The following RGS17 variants were observed in gnomAD, a reference collection of about 807,000 sequenced individuals.
RGS17 encodes regulator of G protein signaling 17, also known as regulator of G-protein signaling 17.
A neutral mutation model predicts 25.5 loss-of-function variants in RGS17; 12 were observed. The observed-to-expected ratio is 0.47, with a 90% CI of 0.30 to 0.76. RGS17 has a LOEUF of 0.76. Among genes scored for constraint, RGS17 ranks in the 30% least tolerant of loss-of-function variants. The pLI, the probability that RGS17 is intolerant of heterozygous loss-of-function variation, is 0.07. For missense variants in RGS17, 196 were observed against 242.2 expected, an observed-to-expected ratio of 0.81 and a Z score of 1.27; for synonymous variants, 71 against 76.9, an observed-to-expected ratio of 0.92 and a Z score of 0.40.
At chr6:153,013,645 A>G (rs1038755908) in intron 4 of RGS17, among the ~76,000 whole-genome samples, 3 of 152,254 alleles carry the variant, frequency 2.0e-5, no homozygotes, top group African/African-American at 7.2e-5. Flanking sequence ...TCTCAAAGGA[A>G]ATTAAAAGTG....
At chr6:153,070,952 C>A (rs1052448022) in intron 1 of RGS17, among the ~76,000 whole-genome samples, 1 of 149,500 alleles carries the variant, frequency 6.7e-6, no homozygotes, top group Non-Finnish European at 1.5e-5. Context: ...TGTATATCTA[C>A]ATGTGTATAT....
intron 1 of RGS17, among the ~76,000 whole-genome samples, chr6:153,046,214 T>A (rs903625799): frequency 6.2e-5 from 8 of 129,744 alleles, no homozygotes; most frequent in African/African-American, 2.5e-4. Flanking sequence ...GGGAGGGATA[T>A]GGATACATTT....
chr6:153,021,918 G>T (rs556256004), intron 4 of RGS17, among the ~76,000 whole-genome samples: 1 of 152,228 alleles, frequency 6.6e-6, no homozygotes, highest in East Asian at 1.9e-4. Flanking sequence ...AAGAAATTAG[G>T]TGAAAACGGC....
intron 1 of RGS17, among the ~76,000 whole-genome samples, chr6:153,101,142 C>T (rs376206452): frequency 8.5e-5 from 13 of 152,132 alleles, no homozygotes; most frequent in Admixed American, 2.6e-4. Context: ...TTCCAAGCAA[C>T]GGAATAAAAA....
rs140624723 is a variant in RGS17, at chr6:153,065,727, A to G, written c.-25-21684T>C. The stretch of plus-strand genomic sequence containing the variant: ...AAGAAGGAAATTGAGAAATTTCTCA[A>G]AACAAGTGGTTATAATAACACAAAA... On this transcript the variant is annotated intron_variant, in intron 1 of 4. Transcript: ENST00000206262. Among the ~76,000 whole-genome samples, 1,227 of 152,304 alleles carry G rather than the reference A, an allele frequency of 8.1e-3. 15 individuals are homozygous for G. The highest frequency in any genetic ancestry group is 0.027 in the African/African-American group (1,113 of 41,558).
chr6:153,079,774 A>T (rs2129118938), intron 1 of RGS17, among the ~76,000 whole-genome samples: 1 of 152,146 alleles, frequency 6.6e-6, no homozygotes, highest in South Asian at 2.1e-4. Flanking sequence ...TTTTTAATTT[A>T]ATGTTCATAC....
At chr6:153,054,106 A>ATG (rs1776518546) in intron 1 of RGS17, among the ~76,000 whole-genome samples, 4 of 102,166 alleles carry the variant, frequency 3.9e-5, no homozygotes, top group African/African-American at 1.6e-4. Flanking sequence ...ATATATATAT[A>ATG]TATATATGTG....
At chr6:153,121,074 T>A (rs1017964099) in intron 1 of RGS17, among the ~76,000 whole-genome samples, 5 of 152,086 alleles carry the variant, frequency 3.3e-5, no homozygotes, top group Non-Finnish European at 5.9e-5. Context: ...TTTTTTTTTT[T>A]AATTTTGCTA....
At chr6:153,075,323 T>A (rs1269021145) in intron 1 of RGS17, among the ~76,000 whole-genome samples, 1 of 152,118 alleles carries the variant, frequency 6.6e-6, no homozygotes, top group African/African-American at 2.4e-5. Flanking sequence ...AAATTATAAG[T>A]ACCTTCACTT....
intron 2 of RGS17, among the ~76,000 whole-genome samples, chr6:153,042,442 A>G (rs148300897): frequency 9.0e-4 from 137 of 152,308 alleles, no homozygotes; most frequent in Non-Finnish European, 1.6e-3. Context: ...TATAAAGGGC[A>G]GTTCCCCTGC....
At chr6:153,071,044 T>A (rs925620799) in intron 1 of RGS17, among the ~76,000 whole-genome samples, 2 of 150,472 alleles carry the variant, frequency 1.3e-5, no homozygotes, top group African/African-American at 4.9e-5. Flanking sequence ...TACGTATATG[T>A]ACATGTGTAT....
intron 1 of RGS17, among the ~76,000 whole-genome samples, chr6:153,050,720 C>G (rs1776451257): frequency 6.6e-6 from 1 of 152,178 alleles, no homozygotes; most frequent in Admixed American, 6.5e-5. Flanking sequence ...TATGTTTATA[C>G]ACTGGAGAAA....
intron 1 of RGS17, among the ~76,000 whole-genome samples, chr6:153,093,943 G>A (rs1777169098): frequency 6.6e-6 from 1 of 152,030 alleles, no homozygotes; most frequent in Non-Finnish European, 1.5e-5. Context: ...GTACCCCACA[G>A]GATTGTTCTC....
intron 1 of RGS17, among the ~76,000 whole-genome samples, chr6:153,057,945 C>T (rs7775866): frequency 0.89 from 135,386 of 152,188 alleles, 60,462 homozygotes; most frequent in African/African-American, 0.97. Flanking sequence ...TGCTGCTCAC[C>T]TCCTACTATG....
chr6:153,086,907 G>A (rs1021855315), intron 1 of RGS17, among the ~76,000 whole-genome samples: 3 of 151,948 alleles, frequency 2.0e-5, no homozygotes, highest in Non-Finnish European at 2.9e-5. Flanking sequence ...ACTTTTTTTG[G>A]TCTTGTGATC....
Position 153,130,463 on chromosome 6 carries a change from C to G in RGS17, c.-26+661G>C, listed in dbSNP as rs1386068174. Among the ~76,000 whole-genome samples the G allele has an allele frequency of 2.1e-5, 3 of 145,090 alleles. No individual in the cohort carries two copies. The stretch of plus-strand genomic sequence containing the variant: ...GGAAGGAACAAAAGAGACCCCCCAC[C>G]CCCTATACATACATACACATACACA... On this transcript the variant is annotated intron_variant, in intron 1 of 4. Transcript: ENST00000206262. The surrounding 1 kb of genome is among the most constrained non-coding windows in gnomAD (Gnocchi z 6.4).
rs182499951 is a variant in RGS17 at position 153,105,809 on chromosome 6, G to A, written c.-26+25315C>T. ...AGGTGGTGGCAGCCAAGGACAGACAGGCAGAAGGAATCAGGGGAGGAGCCA... is the reference window on the plus strand; with the variant it reads ...AGGTGGTGGCAGCCAAGGACAGACAAGCAGAAGGAATCAGGGGAGGAGCCA... On this transcript the variant is annotated intron_variant, in intron 1 of 4. Coordinates refer to ENST00000206262, the MANE Select transcript of RGS17 (RefSeq NM_012419.5). 5.2e-4 allele frequency among the ~76,000 whole-genome samples: 79 copies of A among 152,324 alleles called. 1 individual carries two copies. The highest frequency in any genetic ancestry group is 1.8e-3 in the African/African-American group (75 of 41,578).
At chr6:153,012,537 T>C (rs1366185646) in intron 4 of RGS17, among the ~76,000 whole-genome samples, 1 of 152,166 alleles carries the variant, frequency 6.6e-6, no homozygotes, top group Non-Finnish European at 1.5e-5. Flanking sequence ...GCAAATCCTC[T>C]TGGAACTGGT....
intron 2 of RGS17, among the ~76,000 whole-genome samples, chr6:153,034,784 G>A (rs1480638160): frequency 2.6e-5 from 4 of 152,128 alleles, no homozygotes; most frequent in East Asian, 3.8e-4. Flanking sequence ...CCTCTAGAAC[G>A]AAACACATGA....
Sources: gnomAD v4.1 joint callset for allele counts (sites outside exome capture counted in the v4.1 genomes callset) on GRCh38, gnomAD v4.1.1 for gene constraint, Gnocchi (gnomAD v3.1) non-coding constraint, MANE v1.5 for transcripts, NCBI Gene and HGNC (gene_info 2026-07-23, HGNC 2026-07-21) for gene names.